Variants in BTBD10 observed in about 807,000 individuals in gnomAD.
BTBD10 encodes BTB/POZ domain-containing protein 10.
In BTBD10, 21 loss-of-function variants were observed where a neutral mutation model predicts 53.2. That is an observed-to-expected ratio of 0.39 (90% confidence interval 0.28 to 0.57). BTBD10 has a LOEUF of 0.57. Among genes scored for constraint, BTBD10 ranks in the 20% least tolerant of loss-of-function variants. The probability of loss-of-function intolerance (pLI) is 0.53; values close to 1 mark genes in which losing one functional copy is unlikely to be tolerated. For missense variants in BTBD10, 360 were observed against 594.7 expected (o/e 0.61, Z 4.10); for synonymous variants, 149 against 192.7 (o/e 0.77, Z 1.88).
chr11:13,395,701 G>T (rs904833510), intron 8 of BTBD10, among the ~76,000 whole-genome samples: 1 of 152,100 alleles, frequency 6.6e-6, no homozygotes, highest in Non-Finnish European at 1.5e-5. Context: ...AATCCATCTT[G>T]AATTAATTTT....
chr11:13,405,927 C>A, intron 6 of BTBD10, 71 bp from the exon 7 acceptor site: 1 of 1,454,064 alleles, frequency 6.9e-7, no homozygotes, highest in Non-Finnish European at 9.4e-7. Context: ...AATATAGACT[C>A]TTATAACAAG....
intron 4 of BTBD10, 52 bp downstream of exon 4, chr11:13,419,408 G>T (rs1565246865): frequency 7.0e-6 from 11 of 1,561,038 alleles, no homozygotes; most frequent in Non-Finnish European, 7.8e-6. Context: ...AAAAATAATG[G>T]CAGTAAAAGC....
intron 2 of BTBD10, among the ~76,000 whole-genome samples, chr11:13,439,073 T>TA (rs1472985787): frequency 1.3e-4 from 20 of 151,988 alleles, no homozygotes; most frequent in African/African-American, 4.8e-4. Context: ...AAGAATGTTA[T>TA]AAACCATATA....
intron 1 of BTBD10, among the ~76,000 whole-genome samples, chr11:13,453,143 A>G (rs1950897109): frequency 6.6e-6 from 1 of 152,324 alleles, no homozygotes; most frequent in South Asian, 2.1e-4. Flanking sequence ...TCTGCACAAT[A>G]TATCATGCAA....
At chr11:13,454,150 A>T (rs1950918721) in intron 1 of BTBD10, among the ~76,000 whole-genome samples, 1 of 152,246 alleles carries the variant, frequency 6.6e-6, no homozygotes, top group African/African-American at 2.4e-5. Context: ...AAGATTTATA[A>T]GCAGTCTTTA....
At chr11:13,397,315 T>C (rs1949580333) in intron 8 of BTBD10, among the ~76,000 whole-genome samples, 1 of 152,252 alleles carries the variant, frequency 6.6e-6, no homozygotes, top group Non-Finnish European at 1.5e-5. Flanking sequence ...TTAGATTTTC[T>C]AGTTTATTTG....
At chr11:13,452,530 G>A (rs1175525595) in intron 1 of BTBD10, among the ~76,000 whole-genome samples, 1 of 152,098 alleles carries the variant, frequency 6.6e-6, no homozygotes, top group African/African-American at 2.4e-5. Flanking sequence ...AAGGCATAAT[G>A]AAACCACTTT....
intron 4 of BTBD10, among the ~76,000 whole-genome samples, chr11:13,418,155 A>C (rs889272136): frequency 1.3e-5 from 2 of 149,526 alleles, no homozygotes; most frequent in African/African-American, 2.4e-5. Flanking sequence ...GAAAACTATG[A>C]ACAACAAAGC....
chr11:13,453,794 C>G (rs1950912167), intron 1 of BTBD10, among the ~76,000 whole-genome samples: 1 of 152,158 alleles, frequency 6.6e-6, no homozygotes, highest in Non-Finnish European at 1.5e-5. Context: ...TGGCTCACAC[C>G]TGTAATCCCA....
At chr11:13,408,903 T>G (rs1454250300) in intron 6 of BTBD10, among the ~76,000 whole-genome samples, 2 of 152,190 alleles carry the variant, frequency 1.3e-5, no homozygotes, top group African/African-American at 2.4e-5. Context: ...GTGATTCTTT[T>G]AAACCTTAAG....
At chr11:13,436,048 C>T (rs1462982236) in intron 2 of BTBD10, among the ~76,000 whole-genome samples, 1 of 152,140 alleles carries the variant, frequency 6.6e-6, no homozygotes, top group Non-Finnish European at 1.5e-5. Flanking sequence ...AACACAGAAC[C>T]TAAGTTTAGG....
chr11:13,426,280 A>G (rs1316510568), intron 2 of BTBD10, among the ~76,000 whole-genome samples: 4 of 151,932 alleles, frequency 2.6e-5, no homozygotes, highest in East Asian at 1.9e-4. Context: ...TGATTTGTCG[A>G]AAAAAAATAA....
At position 13,394,400 on chromosome 11, in the gene BTBD10, G is replaced by T. The variant is rs1466102139; in HGVS notation, c.1118-5259C>A. On this transcript the variant is annotated intron_variant, in intron 8 of 8. Coordinates refer to ENST00000278174, the MANE Select transcript of BTBD10 (RefSeq NM_032320.7). ...CTCTCTCCTGCCACCATGTGAAGAAGGTCCTTGCTTCCTCTTTGCCTTCTG... is the reference window on the plus strand; with the variant it reads ...CTCTCTCCTGCCACCATGTGAAGAATGTCCTTGCTTCCTCTTTGCCTTCTG... 2.0e-5 allele frequency among the ~76,000 whole-genome samples: 3 copies of T among 152,270 alleles called. No individual in the cohort carries two copies. The East Asian group carries it at 5.8e-4, about 29-fold the overall frequency.
At chr11:13,396,015 A>G (rs1198413744) in intron 8 of BTBD10, among the ~76,000 whole-genome samples, 14 of 152,030 alleles carry the variant, frequency 9.2e-5, no homozygotes, top group East Asian at 1.9e-4. Flanking sequence ...TTGACTTGGC[A>G]ATGCGGGCTC....
intron 2 of BTBD10, among the ~76,000 whole-genome samples, chr11:13,422,312 C>T (rs1833450744): frequency 6.6e-6 from 1 of 152,158 alleles, no homozygotes; most frequent in East Asian, 1.9e-4. Flanking sequence ...TTCAGTTGAG[C>T]CTTTTCAAAA....
rs544141661 is a variant in BTBD10 at position 13,393,131 on chromosome 11, A to AC, written c.1118-3991dup. ...AGAATTATTTGTGCTTTCCCACAAC[A>AC]CATTTGTGTTTAACAACAGCAATAA... On this transcript the variant is annotated intron_variant, in intron 8 of 8. Coordinates refer to ENST00000278174, the MANE Select transcript of BTBD10 (RefSeq NM_032320.7). 5.9e-5 allele frequency among the ~76,000 whole-genome samples: 9 copies of AC among 152,354 alleles called. No homozygotes were observed. In the South Asian group the frequency reaches 1.9e-3, roughly 32 times the overall value.
rs200389754 is a variant in BTBD10, at chr11:13,405,753, C to T, written c.912G>A (p.Gly304=). ...GCACCACTATATGACATTCCCGTTC[C>T]CCACTCTGGGCACTAGCTACCATGA... The part of the protein sequence containing the change: ...LPLMVASAQS[G]ERECHIVVLT... Residue 304 remains glycine, a synonymous_variant, in exon 7 of 9, where the codon GGG becomes GGA. Transcript: ENST00000278174. The T allele has an allele frequency of 1.4e-5, 22 of 1,613,664 alleles. No individual in the cohort carries two copies. Among genetic ancestry groups the T allele is most frequent in the Admixed American group, 1.0e-4 (6 of 59,990 alleles).
At position 13,388,630 on chromosome 11, in the gene BTBD10, G is replaced by T. The variant is rs377374895; in HGVS notation, c.*201C>A. On this transcript the variant is annotated 3_prime_UTR_variant, in exon 9 of 9. Transcript: ENST00000278174. ...TGGTAAACAAATACATTTACAACTG[G>T]AACTTCAAAATGCTAGAGTTGTACT... The T allele has an allele frequency of 1.8e-4, 91 of 508,066 alleles. No homozygotes were observed. The South Asian group carries it at 3.5e-3, about 19-fold the overall frequency. The allele number at this position is 508,066 out of a possible 1,614,324, so 31.5% of individuals were successfully genotyped here.
At chr11:13,412,455 AAACAAC>A (rs199920209) in intron 6 of BTBD10, among the ~76,000 whole-genome samples, 2 of 151,928 alleles carry the variant, frequency 1.3e-5, no homozygotes, top group African/African-American at 4.8e-5. Flanking sequence ...TCCATCTCAA[AAACAAC>A]AACAACAACA....
Sources: allele counts gnomAD v4.1 joint callset (sites outside exome capture counted in the v4.1 genomes callset), GRCh38; gene constraint gnomAD v4.1.1; transcripts MANE v1.5; gene names NCBI Gene and HGNC (gene_info 2026-07-23, HGNC 2026-07-21).